RHOJ: variants seen among roughly 807,000 people sequenced by gnomAD.
RHOJ encodes rho-related GTP-binding protein RhoJ.
RHOJ carries 11 observed loss-of-function variants against 23.4 expected under a neutral mutation model. That is an observed-to-expected ratio of 0.47 (90% CI 0.30 to 0.78). RHOJ has a LOEUF of 0.78. RHOJ is among the 30% of genes least tolerant of loss of function. RHOJ has a pLI of 0.08. For synonymous variants in RHOJ, 102 were observed against 102.7 expected (o/e 0.99, Z 0.04); for missense variants, 254 against 273.4 (o/e 0.93, Z 0.50).
chr14:63,217,961 TCTTTTTCTTTTTTCCC>T (rs1238188549), intron 1 of RHOJ, among the ~76,000 whole-genome samples: 54 of 152,304 alleles, frequency 3.5e-4, no homozygotes, highest in East Asian at 1.3e-3. Context: ...TTAGATTACC[TCTTTTTCTTTTTTCCC>T]CTTTTTCTTT....
rs1043007194 is a variant in RHOJ at position 63,205,566 on chromosome 14, C to A, written c.178+519C>A. Among the ~76,000 whole-genome samples the A allele has an allele frequency of 4.6e-5, 7 of 152,092 alleles. No individual in the cohort carries two copies. The East Asian group carries it at 1.3e-3, about 29-fold the overall frequency. Reference sequence around the variant, plus strand: ...GCTATAATACTATAGTTTTGTTTTCCTGAGGTTGTAGATTGGGGGAGAGTT... The same window carrying A: ...GCTATAATACTATAGTTTTGTTTTCATGAGGTTGTAGATTGGGGGAGAGTT... On this transcript the variant is annotated intron_variant, in intron 1 of 4. Coordinates refer to ENST00000316754, the MANE Select transcript of RHOJ (RefSeq NM_020663.5).
chr14:63,234,201 T>C (rs1894746589), intron 1 of RHOJ, among the ~76,000 whole-genome samples: 1 of 152,262 alleles, frequency 6.6e-6, no homozygotes, highest in East Asian at 1.9e-4. Flanking sequence ...ATTCCTTAAT[T>C]CACCCATGTA....
intron 1 of RHOJ, among the ~76,000 whole-genome samples, chr14:63,264,280 C>G (rs1327807178): frequency 6.6e-6 from 1 of 152,130 alleles, no homozygotes; most frequent in East Asian, 1.9e-4. Flanking sequence ...ATTTGGTTTT[C>G]TGTTTCTGCA....
chr14:63,269,373 G>A (rs1401672102), intron 2 of RHOJ: 2 of 449,880 alleles, frequency 4.4e-6, no homozygotes, highest in Non-Finnish European at 7.9e-6. Flanking sequence ...ATCATTCAAG[G>A]CATTGATAGG....
At chr14:63,284,254 C>A in intron 4 of RHOJ, 1 of 985,148 alleles carries the variant, frequency 1.0e-6, no homozygotes, top group South Asian at 4.7e-5. Context: ...GAATTAAATA[C>A]AATCATGTTT....
chr14:63,232,909 T>C (rs919643865), intron 1 of RHOJ, among the ~76,000 whole-genome samples: 1 of 152,106 alleles, frequency 6.6e-6, no homozygotes, highest in Non-Finnish European at 1.5e-5. Context: ...TTGTCCAGGC[T>C]GGTATCAAAC....
intron 2 of RHOJ, among the ~76,000 whole-genome samples, chr14:63,278,189 G>A (rs1170723899): frequency 1.3e-5 from 2 of 152,000 alleles, no homozygotes; most frequent in African/African-American, 4.8e-5. Flanking sequence ...CAGCATCATT[G>A]CCCTCTTGCT....
rs114667376 is a variant in RHOJ at position 63,208,347 on chromosome 14, A to G, written c.178+3300A>G. Reference sequence around the variant, plus strand: ...AGAATAATTCCCTGTTCCATCTCCAATCCAGTTTCACAAATTTGTTTACAT... The same window carrying G: ...AGAATAATTCCCTGTTCCATCTCCAGTCCAGTTTCACAAATTTGTTTACAT... On this transcript the variant is annotated intron_variant, in intron 1 of 4. Coordinates refer to ENST00000316754, the MANE Select transcript of RHOJ (RefSeq NM_020663.5). Among the ~76,000 whole-genome samples the G allele has an allele frequency of 1.9e-3, 293 of 152,212 alleles. 1 individual carries two copies. The highest frequency in any genetic ancestry group is 6.8e-3 in the African/African-American group (283 of 41,526).
At chr14:63,278,097 T>C (rs1223016143) in intron 2 of RHOJ, among the ~76,000 whole-genome samples, 2 of 152,068 alleles carry the variant, frequency 1.3e-5, no homozygotes, top group African/African-American at 2.4e-5. Flanking sequence ...CAACTCCCAA[T>C]TATTGACTAG....
At chr14:63,245,374 A>C (rs1463392748) in intron 1 of RHOJ, among the ~76,000 whole-genome samples, 1 of 152,138 alleles carries the variant, frequency 6.6e-6, no homozygotes. Flanking sequence ...GGCCGGGTGC[A>C]CTGGCTCACA....
intron 1 of RHOJ, among the ~76,000 whole-genome samples, chr14:63,240,974 T>C (rs1003328440): frequency 6.6e-6 from 1 of 152,218 alleles, no homozygotes. Flanking sequence ...ATTCAACCCA[T>C]GGCAAGTCCT....
intron 1 of RHOJ, among the ~76,000 whole-genome samples, chr14:63,210,628 AT>A (rs1894215288): frequency 6.6e-6 from 1 of 152,268 alleles, no homozygotes; most frequent in South Asian, 2.1e-4. Flanking sequence ...GAAGAATTGC[AT>A]TTCTTCCCCC....
chr14:63,262,067 G>A (rs1895282164), intron 1 of RHOJ, among the ~76,000 whole-genome samples: 1 of 152,166 alleles, frequency 6.6e-6, no homozygotes. Context: ...GGCACTTGGA[G>A]GCGTCCCTAT....
Position 63,290,857 on chromosome 14 carries a change from T to A in RHOJ, c.499-21T>A, listed in dbSNP as rs551263322. Reference sequence around the variant, plus strand: ...TTCTCTCTTTTTTATCTCTCATGCCTTTCTCTCTTTTGTGTTTAAGATCGG... The same window carrying A: ...TTCTCTCTTTTTTATCTCTCATGCCATTCTCTCTTTTGTGTTTAAGATCGG... On this transcript the variant is annotated intron_variant, in intron 4 of 4. Coordinates refer to ENST00000316754, the MANE Select transcript of RHOJ (RefSeq NM_020663.5). 9.0e-5 allele frequency: 143 copies of A among 1,593,118 alleles called. No individual in the cohort carries two copies. The South Asian group carries it at 1.5e-3, about 17-fold the overall frequency.
At chr14:63,224,450 G>T (rs116926444) in intron 1 of RHOJ, among the ~76,000 whole-genome samples, 22 of 152,256 alleles carry the variant, frequency 1.4e-4, no homozygotes, top group South Asian at 4.1e-4. Flanking sequence ...GCAGCAGTTG[G>T]GGGGAGGGGG....
chr14:63,204,776 C>A lies in RHOJ; in HGVS notation c.-94C>A. ...TACCCAAAGTCAGACAGAGTAAACTCAAGCCTGGCACTGGCTTTCTGCCGC... is the reference window on the plus strand; with the variant it reads ...TACCCAAAGTCAGACAGAGTAAACTAAAGCCTGGCACTGGCTTTCTGCCGC... On this transcript the variant is annotated 5_prime_UTR_variant, in exon 1 of 5. Transcript: ENST00000316754. The A allele has an allele frequency of 7.6e-7, 1 of 1,319,780 alleles. No individual in the cohort carries two copies. The highest frequency in any genetic ancestry group is 1.3e-5 in the South Asian group (1 of 76,348). 81.8% of individuals were successfully genotyped at this position (1,319,780 alleles called of 1,614,324 possible). A position where few individuals can be genotyped will look rare whatever the true frequency, so the allele number is the denominator to read the frequency against.
chr14:63,254,855 C>G (rs1188510909), intron 1 of RHOJ, among the ~76,000 whole-genome samples: 1 of 152,064 alleles, frequency 6.6e-6, no homozygotes, highest in Non-Finnish European at 1.5e-5. Context: ...CAGAGAACTT[C>G]AAAAGGACTC....
At chr14:63,231,500 C>T (rs757121643) in intron 1 of RHOJ, among the ~76,000 whole-genome samples, 3 of 152,196 alleles carry the variant, frequency 2.0e-5, no homozygotes, top group Non-Finnish European at 4.4e-5. Context: ...CTTCACATTA[C>T]AATAACGTTG....
At chr14:63,247,375 T>C (rs1419445959) in intron 1 of RHOJ, among the ~76,000 whole-genome samples, 1 of 152,176 alleles carries the variant, frequency 6.6e-6, no homozygotes, top group African/African-American at 2.4e-5. Context: ...AACCTTTCTT[T>C]TCAGGCTACC....
Sources: gnomAD v4.1 joint callset for allele counts (sites outside exome capture counted in the v4.1 genomes callset) on GRCh38, gnomAD v4.1.1 for gene constraint, MANE v1.5 for transcripts, NCBI Gene and HGNC (gene_info 2026-07-23, HGNC 2026-07-21) for gene names.